DOP1A: variants seen among roughly 807,000 people sequenced by gnomAD.
DOP1A encodes protein DOP1A.
DOP1A carries 90 observed loss-of-function variants against 267.6 expected under a neutral mutation model. The ratio of observed to expected loss-of-function variants is 0.34; its 90% CI spans 0.28 to 0.40. The LOEUF (loss-of-function observed/expected upper bound fraction) is 0.40, where lower values mean the gene tolerates loss of function less well. Among genes scored for constraint, DOP1A ranks in the 10% least tolerant of loss-of-function variants. The pLI, the probability that DOP1A is intolerant of heterozygous loss-of-function variation, is 1.00. For synonymous variants in DOP1A, 932 were observed against 999.1 expected (o/e 0.93, Z 1.27); for missense variants, 2,437 against 2,900.4 (o/e 0.84, Z 3.67).
intron 18 of DOP1A, among the ~76,000 whole-genome samples, chr6:83,133,799 G>A (rs914738071): frequency 6.6e-6 from 1 of 151,904 alleles, no homozygotes; most frequent in Non-Finnish European, 1.5e-5. Context: ...AATATATAGT[G>A]CAATGAAATC....
intron 1 of DOP1A, among the ~76,000 whole-genome samples, chr6:83,092,902 T>C (rs1001844743): frequency 6.6e-6 from 1 of 152,208 alleles, no homozygotes; most frequent in Non-Finnish European, 1.5e-5. Context: ...CAGAATGTTA[T>C]GCAATTTAAA....
chr6:83,159,665 T>C (rs549173282), intron 36 of DOP1A, 131 bp from the exon 37 acceptor site: 13 of 991,346 alleles, frequency 1.3e-5, no homozygotes, highest in African/African-American at 6.5e-5. Flanking sequence ...CATCATGACC[T>C]TGCTTAGCAA....
At chr6:83,074,321 T>G (rs1437971726) in intron 1 of DOP1A, among the ~76,000 whole-genome samples, 2 of 152,172 alleles carry the variant, frequency 1.3e-5, no homozygotes, top group Non-Finnish European at 1.5e-5. Context: ...TTATTTATTA[T>G]GAGATGAAAG....
downstream of DOP1A, chr6:83,170,396 T>C (rs2128479046): frequency 1.9e-6 from 3 of 1,614,108 alleles, no homozygotes; most frequent in South Asian, 3.3e-5. Flanking sequence ...CTTCACCAGG[T>C]CATTGATTGC....
At chr6:83,164,154 T>TC (rs1304472296) in intron 38 of DOP1A, among the ~76,000 whole-genome samples, 2 of 149,256 alleles carry the variant, frequency 1.3e-5, no homozygotes, top group Non-Finnish European at 3.0e-5. Context: ...TCTGGAGTCC[T>TC]CCTAATCAGG....
At chr6:83,155,859 G>A in intron 33 of DOP1A, 92 bp from the exon 34 acceptor site, 1 of 1,435,268 alleles carries the variant, frequency 7.0e-7, no homozygotes, top group Non-Finnish European at 9.3e-7. Context: ...TCTCAGTTTT[G>A]GATGTCATAG....
In DOP1A at chr6:83,153,969, A is replaced by C. The variant is rs1782241822; in HGVS notation, c.6315A>C (p.Arg2105Ser). 1 of 1,613,818 alleles carries C rather than the reference A, an allele frequency of 6.2e-7. No homozygotes were observed. The highest frequency in any genetic ancestry group is 8.5e-7 in the Non-Finnish European group (1 of 1,179,988). Residue 2105 changes from arginine (R) to serine (S), a missense_variant, in exon 32 of 39, where the codon AGA becomes AGC. This residue lies in a region of DOP1A where 216 missense variants were observed against 283.3 expected (regional missense o/e 0.76). Coordinates refer to ENST00000349129, the MANE Select transcript of DOP1A (RefSeq NM_015018.4). ...TTAGTGGGTATCAGTACACACGGAG[A>C]GCTTGGAAAAAAGAAGCTTTTGACC... ...SSLSGYQYTR[R>S]AWKKEAFDLF... is the part of the protein sequence containing the mutation.
At chr6:83,100,534 T>G (rs1273593495) in intron 3 of DOP1A, among the ~76,000 whole-genome samples, 171 bp from the exon 4 acceptor site, 2 of 152,194 alleles carry the variant, frequency 1.3e-5, no homozygotes, top group Non-Finnish European at 2.9e-5. Context: ...ATTAATAAAG[T>G]TTGTAACATT....
chr6:83,140,231 G>A lies in DOP1A; in HGVS notation c.5243G>A (p.Ser1748Asn), dbSNP rs995069037. 1.9e-6 allele frequency: 3 copies of A among 1,612,102 alleles called. No individual in the cohort carries two copies. Among genetic ancestry groups the A allele is most frequent in the Non-Finnish European group, 1.7e-6 (2 of 1,179,530 alleles). ...CCCAACTGTTAATAGCTTTTGGTCAGTGTAGACCAGAAACACTTGTTTGAA... is the reference window on the plus strand; with the variant it reads ...CCCAACTGTTAATAGCTTTTGGTCAATGTAGACCAGAAACACTTGTTTGAA... Reference protein sequence around the residue: ...PTTQYHQLLVSVDQKHLFEAR... With the variant: ...PTTQYHQLLVNVDQKHLFEAR... The change falls in exon 23 of 39, where the codon AGT becomes AAT. Residue 1748 changes from serine (S) to asparagine (N), a missense_variant. Physicochemically the swap from Ser to Asn is conservative, Grantham distance 46. Coordinates refer to ENST00000349129, the MANE Select transcript of DOP1A (RefSeq NM_015018.4).
chr6:83,137,799 G>T lies in DOP1A; in HGVS notation c.3757G>T (p.Val1253Phe). The change falls in exon 21 of 39, where the codon GTT (valine) becomes TTT (phenylalanine). Residue 1253 changes from valine (V) to phenylalanine (F), a missense_variant. Val to Phe is a conservative substitution (Grantham distance 50, BLOSUM62 -1). Transcript: ENST00000349129. The part of the protein sequence containing the change: ...GTTHTLHDSS[V>F]ASIETKSRQR... Reference sequence around the variant, plus strand: ...CACACACACTCTTCATGACTCTTCTGTTGCTTCCATAGAAACCAAATCTAG... The same window carrying T: ...CACACACACTCTTCATGACTCTTCTTTTGCTTCCATAGAAACCAAATCTAG... The T allele has an allele frequency of 1.2e-6, 2 of 1,613,826 alleles. No homozygotes were observed. Among genetic ancestry groups the T allele is most frequent in the Non-Finnish European group, 8.5e-7 (1 of 1,179,874 alleles).
At chr6:83,164,661 A>T in intron 38 of DOP1A, 3 of 1,574,432 alleles carry the variant, frequency 1.9e-6, no homozygotes, top group Non-Finnish European at 2.6e-6. Flanking sequence ...CTTCCACAGG[A>T]CAAGGAGGAG....
intron 7 of DOP1A, among the ~76,000 whole-genome samples, chr6:83,115,036 T>A (rs1376748583): frequency 5.3e-5 from 8 of 152,198 alleles, no homozygotes; most frequent in African/African-American, 1.9e-4. Flanking sequence ...ATGGATTGTA[T>A]TATAATTGTG....
intron 38 of DOP1A, chr6:83,165,193 G>A (rs1177414526): frequency 2.0e-5 from 3 of 153,278 alleles, no homozygotes; most frequent in African/African-American, 7.2e-5. Flanking sequence ...GAGTAATGGT[G>A]GAAATGTGAA....
chr6:83,154,361 TG>T, intron 33 of DOP1A, 120 bp downstream of exon 33: 1 of 859,724 alleles, frequency 1.2e-6, no homozygotes, highest in South Asian at 1.6e-5. Flanking sequence ...CAAGTGTCAG[TG>T]GGGATATGTG....
intron 3 of DOP1A, among the ~76,000 whole-genome samples, chr6:83,099,257 T>C (rs2128129929): frequency 6.6e-6 from 1 of 152,274 alleles, no homozygotes; most frequent in South Asian, 2.1e-4. Flanking sequence ...TTTGATACCA[T>C]AAAAAGAAAA....
At chr6:83,106,036 T>C (rs527340605) in intron 4 of DOP1A, among the ~76,000 whole-genome samples, 1 of 152,348 alleles carries the variant, frequency 6.6e-6, no homozygotes, top group African/African-American at 2.4e-5. Flanking sequence ...TTTTGAAGTA[T>C]AACTATTTTA....
rs910888692 is a variant in DOP1A at position 83,153,020 on chromosome 6, A to G, written c.6130-491A>G. Among the ~76,000 whole-genome samples, 5 of 152,138 alleles carry G rather than the reference A, an allele frequency of 3.3e-5. No individual in the cohort carries two copies. In the South Asian group the frequency reaches 8.3e-4, roughly 25 times the overall value. ...TCTGACAGGTTCTTTTTTATACCCT[A>G]TTATACACATGTCATTTTGTTTCCT... On this transcript the variant is annotated intron_variant, in intron 30 of 38. Coordinates refer to ENST00000349129, the MANE Select transcript of DOP1A (RefSeq NM_015018.4).
At chr6:83,171,197 T>C (rs1787021924), downstream of DOP1A, 1 of 151,964 alleles carries the variant, frequency 6.6e-6, no homozygotes, top group South Asian at 2.1e-4. Context: ...CAAAAGAGTA[T>C]TGGGAGGGGG....
rs370759762 is a variant in DOP1A at position 83,114,991 on chromosome 6, T to G, written c.780+1570T>G. Among the ~76,000 whole-genome samples, 17 of 152,282 alleles carry G rather than the reference T, an allele frequency of 1.1e-4. No individual in the cohort carries two copies. The East Asian group carries it at 2.7e-3, about 24-fold the overall frequency. On this transcript the variant is annotated intron_variant, in intron 7 of 38. Coordinates refer to ENST00000349129, the MANE Select transcript of DOP1A (RefSeq NM_015018.4). ...ACCTTAGTGTTCCACTTTCCCTCTT[T>G]CTATGTCTTACATATAATAGAATAC...
Sources: allele counts gnomAD v4.1 joint callset (sites outside exome capture counted in the v4.1 genomes callset), GRCh38; gene constraint gnomAD v4.1.1; regional missense constraint gnomAD v4.1.1; transcripts MANE v1.5; gene names NCBI Gene and HGNC (gene_info 2026-07-23, HGNC 2026-07-21).